P4HA1: variants seen among roughly 807,000 people sequenced by gnomAD.
The protein encoded by P4HA1 is prolyl 4-hydroxylase subunit alpha 1.
A neutral mutation model predicts 72.8 loss-of-function variants in P4HA1; 24 were observed. That is an observed-to-expected ratio of 0.33 (90% CI 0.24 to 0.46). The LOEUF (loss-of-function observed/expected upper bound fraction) is 0.46. Ranked by LOEUF, P4HA1 falls within the 20% of genes least tolerant of loss-of-function variation. P4HA1 has a pLI of 1.00. For synonymous variants in P4HA1, 201 were observed against 218.8 expected (o/e 0.92, Z 0.72); for missense variants, 446 against 640.6 (o/e 0.70, Z 3.28).
chr10:73,090,554 T>C (rs1842007377), intron 1 of P4HA1, among the ~76,000 whole-genome samples: 1 of 152,240 alleles, frequency 6.6e-6, no homozygotes, highest in Non-Finnish European at 1.5e-5. Context: ...CAATTTGTCC[T>C]GTCAATTTTG....
intron 10 of P4HA1, among the ~76,000 whole-genome samples, chr10:73,019,737 A>AAACAAAC (rs1840091578): frequency 6.7e-6 from 1 of 149,848 alleles, no homozygotes; most frequent in Non-Finnish European, 1.5e-5. Flanking sequence ...TCAGAAAAAA[A>AAACAAAC]AAAAAAAAAA....
chr10:73,046,173 C>T (rs1032808900), intron 8 of P4HA1, among the ~76,000 whole-genome samples: 1 of 152,046 alleles, frequency 6.6e-6, no homozygotes, highest in African/African-American at 2.4e-5. Context: ...CTAATATTGA[C>T]CTTTATGGAA....
chr10:73,095,119 C>T (rs1430220090), intron 1 of P4HA1, among the ~76,000 whole-genome samples: 1 of 150,896 alleles, frequency 6.6e-6, no homozygotes, highest in East Asian at 1.9e-4. Flanking sequence ...AAAACCAAAA[C>T]TGACTATGAA....
chr10:73,067,980 A>C (rs1589616360), intron 5 of P4HA1, among the ~76,000 whole-genome samples: 1 of 152,200 alleles, frequency 6.6e-6, no homozygotes, highest in East Asian at 1.9e-4. Flanking sequence ...CCTGAAACCA[A>C]TTTTAAAAAT....
chr10:73,023,699 G>A (rs1375977239), intron 10 of P4HA1, among the ~76,000 whole-genome samples: 2 of 151,892 alleles, frequency 1.3e-5, no homozygotes, highest in East Asian at 1.9e-4. Flanking sequence ...GGCACAGACT[G>A]GCAAATTGGA....
chr10:73,024,944 T>C (rs1315717024), intron 10 of P4HA1, among the ~76,000 whole-genome samples: 2 of 152,184 alleles, frequency 1.3e-5, no homozygotes, highest in East Asian at 1.9e-4. Context: ...CAGGAAGAAG[T>C]TGAATCTCTG....
Position 73,047,172 on chromosome 10 carries a change from A to G in P4HA1, c.901-71T>C, listed in dbSNP as rs1055156244. The G allele has an allele frequency of 4.8e-6, 5 of 1,041,960 alleles. No homozygotes were observed. In the Admixed American group the frequency reaches 6.3e-5, roughly 13 times the overall value. The allele number at this position is 1,041,960 out of a possible 1,614,324, so 64.5% of individuals were successfully genotyped here. On this transcript the variant is annotated intron_variant, in intron 7 of 14. Transcript: ENST00000394890. ...ACTTTTAATATCTATTCCTATGCAG[A>G]TAAGAGACAATAATCATGCTTGCAT...
chr10:73,019,279 C>G lies in P4HA1; in HGVS notation c.1249-2380G>C, dbSNP rs570880002. ...TGGAAACAGAGTCACCACACCCTTC[C>G]CAAACAGCCCAACAGAAGCGGAAAG... On this transcript the variant is annotated intron_variant, in intron 10 of 14. Transcript: ENST00000394890. 2.6e-5 allele frequency among the ~76,000 whole-genome samples: 4 copies of G among 152,222 alleles called. No individual in the cohort carries two copies. In the East Asian group the frequency reaches 7.7e-4, roughly 29 times the overall value.
intron 12 of P4HA1, among the ~76,000 whole-genome samples, chr10:73,012,805 A>AT (rs1157621641): frequency 6.6e-6 from 1 of 151,874 alleles, no homozygotes; most frequent in Non-Finnish European, 1.5e-5. Context: ...TTTTATTTTT[A>AT]TTTTTTGAGA....
At chr10:73,060,611 C>T (rs1389376809) in intron 5 of P4HA1, among the ~76,000 whole-genome samples, 1 of 152,094 alleles carries the variant, frequency 6.6e-6, no homozygotes, top group African/African-American at 2.4e-5. Context: ...AGGGCCAAGG[C>T]TCATTGAAGA....
chr10:73,052,474 T>C (rs1364652988), intron 6 of P4HA1, among the ~76,000 whole-genome samples: 1 of 152,248 alleles, frequency 6.6e-6, no homozygotes, highest in Non-Finnish European at 1.5e-5. Context: ...ATGACTCTTC[T>C]GTATCTTTCT....
intron 9 of P4HA1, chr10:73,043,739 C>A (rs553457815): frequency 1.2e-5 from 8 of 671,354 alleles, no homozygotes; most frequent in Non-Finnish European, 2.1e-5. Flanking sequence ...TTTATTAGTC[C>A]GTCATGAAAA....
intron 5 of P4HA1, among the ~76,000 whole-genome samples, chr10:73,067,942 C>T (rs192448688): frequency 2.0e-4 from 30 of 152,186 alleles, no homozygotes; most frequent in African/African-American, 7.0e-4. Context: ...ATAGCTGGCA[C>T]ATATTAAGTA....
intron 9 of P4HA1, among the ~76,000 whole-genome samples, chr10:73,040,476 A>ATATT (rs1291054248): frequency 1.6e-5 from 2 of 123,586 alleles, no homozygotes; most frequent in African/African-American, 3.7e-5. Flanking sequence ...GAATTCATGA[A>ATATT]TTTTTTTTTT....
At chr10:73,021,284 T>C (rs1840129830) in intron 10 of P4HA1, among the ~76,000 whole-genome samples, 1 of 151,948 alleles carries the variant, frequency 6.6e-6, no homozygotes. Context: ...TAAAAATAGA[T>C]CTACCATATG....
At chr10:73,042,902 G>A (rs1209743772) in intron 9 of P4HA1, among the ~76,000 whole-genome samples, 1 of 152,108 alleles carries the variant, frequency 6.6e-6, no homozygotes, top group Non-Finnish European at 1.5e-5. Context: ...GACTCAAAAT[G>A]TCAATAGTGC....
intron 1 of P4HA1, among the ~76,000 whole-genome samples, chr10:73,078,534 T>A (rs1004866155): frequency 6.6e-6 from 1 of 151,110 alleles, no homozygotes; most frequent in African/African-American, 2.4e-5. Flanking sequence ...GTCATAACTA[T>A]GCAAGAACAT....
chr10:73,094,275 T>G (rs1165324796), intron 1 of P4HA1, among the ~76,000 whole-genome samples: 2 of 152,146 alleles, frequency 1.3e-5, no homozygotes, highest in Non-Finnish European at 2.9e-5. Flanking sequence ...CAGACTTACA[T>G]GCCCAGCTCG....
chr10:73,089,162 A>T (rs572112287), intron 1 of P4HA1, among the ~76,000 whole-genome samples: 1 of 152,300 alleles, frequency 6.6e-6, no homozygotes, highest in African/African-American at 2.4e-5. Context: ...CAAATATTAC[A>T]CACCATTTGA....
Sources: allele counts gnomAD v4.1 joint callset (sites outside exome capture counted in the v4.1 genomes callset), GRCh38; gene constraint gnomAD v4.1.1; transcripts MANE v1.5; gene names NCBI Gene and HGNC (gene_info 2026-07-23, HGNC 2026-07-21).